Variants in AKNAD1 observed in about 807,000 individuals in gnomAD.
AKNAD1 encodes protein AKNAD1.
A neutral mutation model predicts 90.8 loss-of-function variants in AKNAD1; 67 were observed. The ratio of observed to expected loss-of-function variants is 0.74; its 90% CI spans 0.61 to 0.90. The LOEUF (loss-of-function observed/expected upper bound fraction) is 0.90. AKNAD1 is among the 40% of genes least tolerant of loss of function. AKNAD1 has a pLI of 0.00. For missense variants in AKNAD1, 957 were observed against 975.4 expected (o/e 0.98, Z 0.25); for synonymous variants, 327 against 341.4 (o/e 0.96, Z 0.46).
At chr1:108,851,531 C>T (rs1480962122) in intron 2 of AKNAD1, 141 bp downstream of exon 2, 2 of 692,726 alleles carry the variant, frequency 2.9e-6, no homozygotes, top group South Asian at 2.6e-5. Flanking sequence ...GGAGTGGCCA[C>T]GTCACTCATC....
rs752377822 is a variant in AKNAD1, at chr1:108,843,089, A to T, written c.1379+45T>A. Reference sequence around the variant, plus strand: ...CACATCAGAATCCCACCTGAAGGAGATCACCTTTGACCCTTCCACCTTACA... The same window carrying T: ...CACATCAGAATCCCACCTGAAGGAGTTCACCTTTGACCCTTCCACCTTACA... On this transcript the variant is annotated intron_variant, in intron 6 of 15. Transcript: ENST00000370001. The T allele has an allele frequency of 1.9e-6, 3 of 1,599,014 alleles. No homozygotes were observed. In the African/African-American group the frequency reaches 4.0e-5, roughly 21 times the overall value.
At chr1:108,827,413 T>C (rs1204365152) in intron 10 of AKNAD1, 111 bp from the exon 11 acceptor site, 2 of 762,496 alleles carry the variant, frequency 2.6e-6, no homozygotes, top group East Asian at 5.5e-5. Context: ...CCTGGAACAG[T>C]GTAGGAGGGG....
At chr1:108,837,949 T>C (rs1240587101) in intron 6 of AKNAD1, among the ~76,000 whole-genome samples, 1 of 152,196 alleles carries the variant, frequency 6.6e-6, no homozygotes, top group African/African-American at 2.4e-5. Context: ...GGGCCTCCAA[T>C]GTCTCACTTA....
chr1:108,836,792 T>C (rs746292346), intron 7 of AKNAD1: 22 of 152,238 alleles, frequency 1.4e-4, no homozygotes, highest in African/African-American at 5.1e-4. Flanking sequence ...AATGTTCTGA[T>C]AGTTGAGGCT....
chr1:108,840,124 T>C (rs1664506514), intron 6 of AKNAD1, among the ~76,000 whole-genome samples: 1 of 151,902 alleles, frequency 6.6e-6, no homozygotes, highest in Admixed American at 6.5e-5. Context: ...AGATAAGAAT[T>C]GGAGAGAAAA....
chr1:108,841,357 G>A (rs1056735399), intron 6 of AKNAD1, among the ~76,000 whole-genome samples: 5 of 152,022 alleles, frequency 3.3e-5, no homozygotes, highest in African/African-American at 9.7e-5. Flanking sequence ...ATTTTTGAGG[G>A]AAGTTGTGAT....
At chr1:108,845,509 G>A (rs1664676964) in intron 5 of AKNAD1, among the ~76,000 whole-genome samples, 1 of 152,154 alleles carries the variant, frequency 6.6e-6, no homozygotes, top group African/African-American at 2.4e-5. Context: ...GCTCCCCACG[G>A]GTCCTTCCAG....
chr1:108,817,497 A>ATTTTTTTTTTTTTTTTTTTTTT (rs10681740), intron 14 of AKNAD1: 2 of 60,342 alleles, frequency 3.3e-5, no homozygotes, highest in Non-Finnish European at 5.7e-5. Flanking sequence ...TTTTTTTTTA[A>ATTTTTTTTTTTTTTTTTTTTTT]TTTTTTTTTT....
chr1:108,838,456 A>G (rs1324410082), intron 6 of AKNAD1, among the ~76,000 whole-genome samples: 1 of 152,154 alleles, frequency 6.6e-6, no homozygotes, highest in African/African-American at 2.4e-5. Context: ...AGGAAAACCA[A>G]TGTAATGCAG....
At chr1:108,823,745 A>T in intron 11 of AKNAD1, 57 bp from the exon 12 acceptor site, 1 of 1,612,302 alleles carries the variant, frequency 6.2e-7, no homozygotes, top group Non-Finnish European at 8.5e-7. Flanking sequence ...TAGTCATAAA[A>T]TACGGTGTGG....
intron 11 of AKNAD1, among the ~76,000 whole-genome samples, chr1:108,825,322 G>C (rs10857968): frequency 6.6e-6 from 1 of 151,282 alleles, no homozygotes; most frequent in Non-Finnish European, 1.5e-5. Flanking sequence ...TTGTTACACA[G>C]CTATAGATAG....
At chr1:108,845,125 TATTA>T (rs1664665166) in intron 5 of AKNAD1, among the ~76,000 whole-genome samples, 1 of 152,218 alleles carries the variant, frequency 6.6e-6, no homozygotes, top group Non-Finnish European at 1.5e-5. Context: ...AGCCAATTCT[TATTA>T]ATATTAAAAA....
intron 14 of AKNAD1, among the ~76,000 whole-genome samples, chr1:108,818,782 G>A (rs190513512): frequency 6.6e-6 from 1 of 151,832 alleles, no homozygotes; most frequent in Non-Finnish European, 1.5e-5. Context: ...GGTCAACATA[G>A]CGAAACCCCG....
intron 13 of AKNAD1, among the ~76,000 whole-genome samples, chr1:108,822,688 C>T (rs180935733): frequency 2.8e-4 from 43 of 152,220 alleles, no homozygotes; most frequent in African/African-American, 6.7e-4. Flanking sequence ...AAGGATGTAG[C>T]GCCTGTCAGA....
intron 15 of AKNAD1, 79 bp from the exon 16 acceptor site, chr1:108,816,381 C>T (rs1189814572): frequency 2.1e-6 from 3 of 1,456,812 alleles, no homozygotes; most frequent in African/African-American, 1.4e-5. Context: ...CATTATTAAA[C>T]ATTACAAGGT....
chr1:108,849,982 G>A (rs1010512298), intron 2 of AKNAD1, among the ~76,000 whole-genome samples: 1 of 152,194 alleles, frequency 6.6e-6, no homozygotes, highest in African/African-American at 2.4e-5. Context: ...AGTTTCACAA[G>A]GGTAGGGACC....
chr1:108,839,471 T>TAAAAAAAAAAAGAAAAAA (rs1553203224), intron 6 of AKNAD1, among the ~76,000 whole-genome samples: 12 of 126,144 alleles, frequency 9.5e-5, no homozygotes, highest in Admixed American at 4.6e-4. Flanking sequence ...TCCGTCTCAA[T>TAAAAAAAAAAAGAAAAAA]AAAAAAAAAA....
At chr1:108,841,347 A>G (rs1223279429) in intron 6 of AKNAD1, among the ~76,000 whole-genome samples, 2 of 152,082 alleles carry the variant, frequency 1.3e-5, no homozygotes, top group East Asian at 3.9e-4. Flanking sequence ...TAGAAGAGAC[A>G]TTTTTGAGGG....
intron 14 of AKNAD1, 61 bp downstream of exon 14, chr1:108,820,484 T>A (rs111893763): frequency 5.3e-6 from 6 of 1,132,998 alleles, no homozygotes; most frequent in African/African-American, 3.1e-5. Flanking sequence ...CACTATCAAG[T>A]ACACTGTATC....
Sources: gnomAD v4.1 joint callset for allele counts (sites outside exome capture counted in the v4.1 genomes callset) on GRCh38, gnomAD v4.1.1 for gene constraint, MANE v1.5 for transcripts, NCBI Gene and HGNC (gene_info 2026-07-23, HGNC 2026-07-21) for gene names.